The following TENM2 variants were observed in gnomAD, a reference collection of about 807,000 sequenced individuals.
TENM2 encodes the protein teneurin-2.
In TENM2, 52 loss-of-function variants were observed where a neutral mutation model predicts 245.2. The ratio of observed to expected loss-of-function variants is 0.21; its 90% CI spans 0.17 to 0.27. TENM2 has a LOEUF of 0.27. TENM2 is among the 10% of genes least tolerant of loss of function. TENM2 has a pLI of 1.00. For missense variants in TENM2, 3,046 were observed against 3,666.8 expected (o/e 0.83, Z 4.37); for synonymous variants, 1,363 against 1,438.9 (o/e 0.95, Z 1.19).
intron 2 of TENM2, among the ~76,000 whole-genome samples, chr5:167,647,338 A>T (rs1267678380): frequency 6.6e-6 from 1 of 152,078 alleles, no homozygotes; most frequent in African/African-American, 2.4e-5. Flanking sequence ...GAAAACGAGG[A>T]TGGCCGGGCG....
chr5:167,389,040 CAAAAT>C (rs1375871074), intron 2 of TENM2, among the ~76,000 whole-genome samples: 2 of 151,872 alleles, frequency 1.3e-5, no homozygotes, highest in Non-Finnish European at 2.9e-5. Context: ...TTTGGACTCT[CAAAAT>C]AAAACAGAAT....
At chr5:167,132,077 T>G in the TENM2 span, among the ~76,000 whole-genome samples, 1 of 152,190 alleles carries the variant, frequency 6.6e-6, no homozygotes, top group Non-Finnish European at 1.5e-5. Flanking sequence ...TGCCTCAGCC[T>G]CCCAAAGTGC....
At chr5:167,837,294 A>G (rs1162972836) in intron 2 of TENM2, among the ~76,000 whole-genome samples, 2 of 152,122 alleles carry the variant, frequency 1.3e-5, no homozygotes, top group Non-Finnish European at 2.9e-5. Context: ...CACCCTGCAT[A>G]TTTTGTATAC....
chr5:167,528,044 G>T (rs1354814668), intron 2 of TENM2, among the ~76,000 whole-genome samples: 2 of 152,108 alleles, frequency 1.3e-5, no homozygotes, highest in Non-Finnish European at 2.9e-5. Flanking sequence ...TCAGTATTTT[G>T]CTTTGATAGC....
chr5:167,555,782 G>A (rs942375903), intron 2 of TENM2, among the ~76,000 whole-genome samples: 8 of 152,074 alleles, frequency 5.3e-5, no homozygotes, highest in African/African-American at 9.7e-5. Context: ...ACTGTCGGTC[G>A]TAGCAACTAA....
chr5:167,483,313 T>C (rs868330255), intron 2 of TENM2, among the ~76,000 whole-genome samples: 1 of 152,176 alleles, frequency 6.6e-6, no homozygotes, highest in Non-Finnish European at 1.5e-5. Context: ...CTCACCTTAC[T>C]GTGGATAGCA....
At chr5:167,457,598 G>A (rs1380757511) in intron 2 of TENM2, among the ~76,000 whole-genome samples, 3 of 151,986 alleles carry the variant, frequency 2.0e-5, no homozygotes, top group South Asian at 2.1e-4. Context: ...CTGCCCACTC[G>A]GCCTCCCAAA....
chr5:167,663,589 TC>T (rs1755383282), intron 2 of TENM2, among the ~76,000 whole-genome samples: 1 of 152,182 alleles, frequency 6.6e-6, no homozygotes, highest in South Asian at 2.1e-4. Context: ...TTTTGCAGTT[TC>T]TAAATCTGAG....
chr5:167,046,268 C>T, the TENM2 span, among the ~76,000 whole-genome samples: 2 of 152,050 alleles, frequency 1.3e-5, no homozygotes, highest in African/African-American at 4.8e-5. Flanking sequence ...GGGATTTTTT[C>T]CCCCAAATAT....
chr5:167,398,434 A>ATT (rs796625197), intron 2 of TENM2, among the ~76,000 whole-genome samples: 13 of 65,598 alleles, frequency 2.0e-4, no homozygotes, highest in Non-Finnish European at 4.5e-4. Flanking sequence ...CTTTCTTACT[A>ATT]TTTTTTTTTT....
At chr5:167,842,410 GAAA>G (rs1769611590) in intron 2 of TENM2, among the ~76,000 whole-genome samples, 1 of 151,872 alleles carries the variant, frequency 6.6e-6, no homozygotes, top group Admixed American at 6.6e-5. Context: ...CCAACTTGGT[GAAA>G]GACTATCTCT....
the TENM2 span, among the ~76,000 whole-genome samples, chr5:167,099,885 C>T: frequency 6.6e-6 from 1 of 152,174 alleles, no homozygotes; most frequent in South Asian, 2.1e-4. Flanking sequence ...AGGGCCACCA[C>T]CTCAGATGAC....
At chr5:167,065,180 G>A in the TENM2 span, among the ~76,000 whole-genome samples, 90,142 of 151,958 alleles carry the variant, frequency 0.59, 28,821 homozygotes, top group African/African-American at 0.84. Flanking sequence ...CCTCACTTTT[G>A]TTGATGCCAT....
chr5:168,118,383 G>A, exon 10 of TENM2: 1 of 1,611,834 alleles, frequency 6.2e-7, no homozygotes, highest in Non-Finnish European at 8.5e-7. Flanking sequence ...AGTGCGACGT[G>A]CCCATGAATC....
At chr5:167,903,180 A>C (rs1410921224) in intron 3 of TENM2, among the ~76,000 whole-genome samples, 2 of 152,192 alleles carry the variant, frequency 1.3e-5, no homozygotes, top group Non-Finnish European at 2.9e-5. Context: ...AAAAGAGTAA[A>C]TCTTATATTT....
chr5:167,075,836 C>G, the TENM2 span, among the ~76,000 whole-genome samples: 2 of 152,114 alleles, frequency 1.3e-5, no homozygotes, highest in Non-Finnish European at 2.9e-5. Flanking sequence ...TCAAGAAATA[C>G]CCACCTACTT....
At chr5:167,570,286 G>A (rs1394764685) in intron 2 of TENM2, among the ~76,000 whole-genome samples, 1 of 151,826 alleles carries the variant, frequency 6.6e-6, no homozygotes, top group African/African-American at 2.4e-5. Context: ...TGTGCAAGCC[G>A]ATACATAAGA....
At chr5:167,369,853 T>C (rs1456854684) in intron 1 of TENM2, among the ~76,000 whole-genome samples, 1 of 152,204 alleles carries the variant, frequency 6.6e-6, no homozygotes, top group African/African-American at 2.4e-5. Flanking sequence ...TATCCTGGTA[T>C]TACCATGACA....
intron 2 of TENM2, among the ~76,000 whole-genome samples, chr5:167,376,248 CA>C (rs1335861580): frequency 6.6e-6 from 1 of 152,154 alleles, no homozygotes; most frequent in Non-Finnish European, 1.5e-5. Flanking sequence ...TAGTCAAAAA[CA>C]TTTTTTTAAA....
Sources: allele counts gnomAD v4.1 joint callset (sites outside exome capture counted in the v4.1 genomes callset), GRCh38; gene constraint gnomAD v4.1.1; transcripts MANE v1.5; gene names NCBI Gene and HGNC (gene_info 2026-07-23, HGNC 2026-07-21).